Variants in TMEM150C observed in about 807,000 individuals in gnomAD.
TMEM150C encodes the protein transmembrane protein 150C.
TMEM150C carries 10 observed loss-of-function variants against 29.9 expected under a neutral mutation model. The ratio of observed to expected loss-of-function variants is 0.33; its 90% CI spans 0.21 to 0.57. TMEM150C has a LOEUF of 0.57. Among genes scored for constraint, TMEM150C ranks in the 20% least tolerant of loss-of-function variants. The pLI is 0.88. For missense variants in TMEM150C, 251 were observed against 303.6 expected, an observed-to-expected ratio of 0.83 and a Z score of 1.29; for synonymous variants, 101 against 112.5, an observed-to-expected ratio of 0.90 and a Z score of 0.64.
At chr4:82,504,376 G>A (rs1355431631) in intron 2 of TMEM150C, among the ~76,000 whole-genome samples, 1 of 152,038 alleles carries the variant, frequency 6.6e-6, no homozygotes, top group African/African-American at 2.4e-5. Flanking sequence ...GCTAACTTCT[G>A]TATTTTTAGT....
chr4:82,493,748 T>C (rs1399470964), intron 6 of TMEM150C, among the ~76,000 whole-genome samples: 1 of 152,168 alleles, frequency 6.6e-6, no homozygotes, highest in African/African-American at 2.4e-5. Flanking sequence ...CCCAACAAAA[T>C]TTCAGTTAAA....
intron 6 of TMEM150C, among the ~76,000 whole-genome samples, chr4:82,492,872 A>ATATATATATATATATAT (rs1560480134): frequency 3.3e-5 from 4 of 122,454 alleles, no homozygotes; most frequent in Non-Finnish European, 6.4e-5. Flanking sequence ...GTGTATATAT[A>ATATATATATATATATAT]TATATATATA....
intron 7 of TMEM150C, among the ~76,000 whole-genome samples, 187 bp from the exon 8 acceptor site, chr4:82,485,906 G>A (rs945837995): frequency 1.3e-5 from 2 of 152,128 alleles, no homozygotes; most frequent in Admixed American, 6.5e-5. Flanking sequence ...GCTCATATTT[G>A]GTGGTAGACA....
At chr4:82,486,062 A>T (rs1342667532) in intron 7 of TMEM150C, among the ~76,000 whole-genome samples, 1 of 152,098 alleles carries the variant, frequency 6.6e-6, no homozygotes, top group East Asian at 1.9e-4. Context: ...AAAATAGGGA[A>T]ACTGAGACCA....
intron 6 of TMEM150C, chr4:82,494,923 C>G: frequency 1.8e-6 from 1 of 555,466 alleles, no homozygotes; most frequent in Admixed American, 2.4e-5. Flanking sequence ...TTGCGCTTCT[C>G]TTTAGCCTCC....
chr4:82,490,732 T>C, intron 6 of TMEM150C: 1 of 370,694 alleles, frequency 2.7e-6, no homozygotes, highest in East Asian at 6.8e-5. Context: ...CACAGGTACA[T>C]GCCACCATGC....
At chr4:82,541,072 G>A (rs1725185507) in intron 1 of TMEM150C, among the ~76,000 whole-genome samples, 1 of 152,078 alleles carries the variant, frequency 6.6e-6, no homozygotes, top group Admixed American at 6.5e-5. Context: ...TATTTGTTAT[G>A]GGGATGCAGT....
chr4:82,561,530 G>C lies in TMEM150C; in HGVS notation c.-11+376C>G, dbSNP rs1452216523. ...AACGAGATGATGGGGCGGCGGGTGG[G>C]GACACCTGTCAAAGGACGGGGCCGG... On this transcript the variant is annotated intron_variant, in intron 1 of 7. Transcript: ENST00000449862. Among the ~76,000 whole-genome samples the C allele has an allele frequency of 2.0e-5, 3 of 151,678 alleles. No individual in the cohort carries two copies. The East Asian group carries it at 5.8e-4, about 29-fold the overall frequency.
chr4:82,487,783 G>A (rs1397100124), intron 7 of TMEM150C, among the ~76,000 whole-genome samples: 3 of 152,010 alleles, frequency 2.0e-5, no homozygotes, highest in Non-Finnish European at 1.5e-5. Context: ...TAGAGAATGG[G>A]CTCTGAACTG....
rs192764735 is a variant in TMEM150C, at chr4:82,510,205, G to C, written c.-10-5538C>G. On this transcript the variant is annotated intron_variant, in intron 1 of 7. Coordinates refer to ENST00000449862, the MANE Select transcript of TMEM150C (RefSeq NM_001080506.3). ...GAGGCAGGAGAATCGCTTGAACCCG[G>C]GAGGCGGAGGTTGCAGTGAGCCGTG... Among the ~76,000 whole-genome samples, 1,111 of 152,238 alleles carry C rather than the reference G, an allele frequency of 7.3e-3. 16 individuals are homozygous for C. The highest frequency in any genetic ancestry group is 0.025 in the African/African-American group (1,054 of 41,532).
intron 1 of TMEM150C, among the ~76,000 whole-genome samples, chr4:82,527,807 G>T (rs1724703317): frequency 6.6e-6 from 1 of 152,108 alleles, no homozygotes; most frequent in South Asian, 2.1e-4. Context: ...GCTTCTCTTT[G>T]AACCCTGACA....
chr4:82,507,727 C>CTTTTTTTTTTT lies in TMEM150C; in HGVS notation c.-10-3071_-10-3061dup, dbSNP rs869112887. On this transcript the variant is annotated intron_variant, in intron 1 of 7. Transcript: ENST00000449862. ...TTAAATTAACTCTCTCTCTCTCTCTCTTTTTTTTTTTTTTTTTTTTTTTTT... is the reference window on the plus strand; with the variant it reads ...TTAAATTAACTCTCTCTCTCTCTCTCTTTTTTTTTTTTTTTTTTTTTTTTTTTTTTTTTTTT... Among the ~76,000 whole-genome samples the CTTTTTTTTTTT allele has an allele frequency of 2.5e-3, 51 of 20,582 alleles. 8 individuals are homozygous for CTTTTTTTTTTT. The highest frequency in any genetic ancestry group is 3.2e-3 in the Non-Finnish European group (43 of 13,490). The allele number at this position is 20,582 out of a possible 152,430, so 13.5% of individuals were successfully genotyped here. A position where few individuals can be genotyped will look rare whatever the true frequency, so the allele number is the denominator to read the frequency against.
At chr4:82,504,731 G>C (rs1723853993) in intron 1 of TMEM150C, 64 bp from the exon 2 acceptor site, 3 of 1,407,728 alleles carry the variant, frequency 2.1e-6, no homozygotes, top group South Asian at 2.4e-5. Context: ...TTTCAAGATA[G>C]AAAGTTTAGT....
chr4:82,494,712 G>A (rs1723480268), intron 6 of TMEM150C: 1 of 215,312 alleles, frequency 4.6e-6, no homozygotes, highest in African/African-American at 2.4e-5. Flanking sequence ...GAGAACTCAG[G>A]AAGACCAGGC....
At chr4:82,503,253 G>A in intron 2 of TMEM150C, 141 bp from the exon 3 acceptor site, 1 of 654,410 alleles carries the variant, frequency 1.5e-6, no homozygotes, top group East Asian at 2.8e-5. Context: ...TTTACCCATA[G>A]ATCATCTAGT....
chr4:82,511,918 C>T (rs751822057), intron 1 of TMEM150C, among the ~76,000 whole-genome samples: 9 of 152,194 alleles, frequency 5.9e-5, no homozygotes, highest in Non-Finnish European at 1.3e-4. Flanking sequence ...CCACATGTGG[C>T]AGATGTAACT....
rs528840581 is a variant in TMEM150C at position 82,490,253 on chromosome 4, G to A, written c.364-15C>T. ...TCATTTGTGAGCTTAGGGATGAATG[G>A]ATAATGACACATGAAGGCCCATTCA... On this transcript the variant is annotated splice_polypyrimidine_tract_variant and intron_variant, in intron 6 of 7. Transcript: ENST00000449862. The A allele has an allele frequency of 6.2e-7, 1 of 1,612,238 alleles. No homozygotes were observed. The highest frequency in any genetic ancestry group is 1.1e-5 in the South Asian group (1 of 90,818).
intron 6 of TMEM150C, chr4:82,495,480 C>T: frequency 2.8e-6 from 1 of 356,138 alleles, no homozygotes; most frequent in South Asian, 2.6e-5. Context: ...CTCTTTTAGG[C>T]CCCAGGTGAC....
intron 2 of TMEM150C, among the ~76,000 whole-genome samples, chr4:82,503,895 C>T (rs1723816854): frequency 6.6e-6 from 1 of 151,888 alleles, no homozygotes; most frequent in African/African-American, 2.4e-5. Flanking sequence ...CATATCAGAC[C>T]CAATCATGAA....
Sources: allele counts gnomAD v4.1 joint callset (sites outside exome capture counted in the v4.1 genomes callset), GRCh38; gene constraint gnomAD v4.1.1; transcripts MANE v1.5; gene names NCBI Gene and HGNC (gene_info 2026-07-23, HGNC 2026-07-21).